ERICH2: variants seen among roughly 807,000 people sequenced by gnomAD.
The protein encoded by ERICH2 is glutamate rich 2.
A neutral mutation model predicts 17.4 loss-of-function variants in ERICH2; 17 were observed. That is an observed-to-expected ratio of 0.98 (90% CI 0.67 to 1.47). The LOEUF (loss-of-function observed/expected upper bound fraction) is 1.47. Among genes scored for constraint, ERICH2 ranks in the 40% most tolerant of loss-of-function variants. ERICH2 has a pLI of 0.00. For synonymous variants in ERICH2, 51 were observed against 61.1 expected (o/e 0.83, Z 0.77); for missense variants, 186 against 183.2 (o/e 1.01, Z -0.09).
At chr2:170,787,599 T>G (rs977404098) in intron 2 of ERICH2, among the ~76,000 whole-genome samples, 4 of 152,220 alleles carry the variant, frequency 2.6e-5, no homozygotes, top group Admixed American at 6.5e-5. Context: ...TTCTTCACAC[T>G]CACATGCAGA....
chr2:170,788,317 T>C (rs1430182170), intron 2 of ERICH2, among the ~76,000 whole-genome samples: 28 of 152,182 alleles, frequency 1.8e-4, no homozygotes, highest in Admixed American at 1.8e-3. Flanking sequence ...TTTTGTTTTT[T>C]TCTTTTTCAA....
intron 3 of ERICH2, among the ~76,000 whole-genome samples, chr2:170,794,558 G>A (rs1173026588): frequency 1.3e-5 from 2 of 152,100 alleles, no homozygotes; most frequent in Non-Finnish European, 2.9e-5. Context: ...TCCATTTAAT[G>A]ATCTGGAAAG....
upstream of ERICH2, among the ~76,000 whole-genome samples, chr2:170,781,506 C>T (rs1026211880): frequency 2.6e-5 from 4 of 151,876 alleles, no homozygotes; most frequent in Middle Eastern, 3.4e-3. Context: ...TGGTGGCAGG[C>T]GCCTGTAATC....
At chr2:170,779,695 A>T (rs185812700), upstream of ERICH2, 1 of 302,526 alleles carries the variant, frequency 3.3e-6, no homozygotes, top group Non-Finnish European at 4.9e-6. Flanking sequence ...TTGAAAAAAA[A>T]TTGTATCTCT....
intron 3 of ERICH2, among the ~76,000 whole-genome samples, chr2:170,797,136 C>T (rs142568139): frequency 3.2e-4 from 49 of 152,270 alleles, no homozygotes; most frequent in Admixed American, 7.2e-4. Context: ...CAATGACCAA[C>T]GTGTAGACTA....
chr2:170,796,279 C>G (rs1202917696), intron 3 of ERICH2, among the ~76,000 whole-genome samples: 1 of 152,044 alleles, frequency 6.6e-6, no homozygotes, highest in Non-Finnish European at 1.5e-5. Flanking sequence ...TCATGCTAAC[C>G]CAGATTGATG....
At chr2:170,798,377 C>T (rs563319637) in intron 4 of ERICH2, among the ~76,000 whole-genome samples, 44 of 152,130 alleles carry the variant, frequency 2.9e-4, no homozygotes, top group African/African-American at 9.4e-4. Flanking sequence ...TATGCTAACA[C>T]GGCTGCGTGT....
chr2:170,789,158 T>A (rs1559254164), intron 2 of ERICH2, among the ~76,000 whole-genome samples: 1 of 151,242 alleles, frequency 6.6e-6, no homozygotes, highest in Non-Finnish European at 1.5e-5. Context: ...AGAGATCGGG[T>A]TTCACCATGT....
intron 2 of ERICH2, among the ~76,000 whole-genome samples, chr2:170,788,786 A>C (rs1701214486): frequency 6.6e-6 from 1 of 151,904 alleles, no homozygotes; most frequent in Non-Finnish European, 1.5e-5. Flanking sequence ...CAATTTTGTA[A>C]ATTTTAAAAC....
chr2:170,794,105 C>CTTTTTTTTTTTTTTTTTTTTT (rs59152667), intron 3 of ERICH2, among the ~76,000 whole-genome samples: 2 of 88,170 alleles, frequency 2.3e-5, no homozygotes, highest in Non-Finnish European at 4.2e-5. Flanking sequence ...TCCTTTCTTT[C>CTTTTTTTTTTTTTTTTTTTTT]TTTTTTTTTT....
At chr2:170,792,648 A>G (rs1213578506) in intron 2 of ERICH2, among the ~76,000 whole-genome samples, 1 of 152,248 alleles carries the variant, frequency 6.6e-6, no homozygotes, top group Non-Finnish European at 1.5e-5. Context: ...GGCTGCAGGA[A>G]AGCAGAGGTA....
chr2:170,782,235 A>G (rs1194480478), upstream of ERICH2: 65 of 901,032 alleles, frequency 7.2e-5, no homozygotes, highest in Non-Finnish European at 8.4e-5. Context: ...ACTGTCTAAC[A>G]TATAGGAAGG....
chr2:170,796,201 TG>T (rs1361590428), intron 3 of ERICH2, among the ~76,000 whole-genome samples: 2 of 152,186 alleles, frequency 1.3e-5, no homozygotes, highest in Non-Finnish European at 2.9e-5. Context: ...AGAAACCTTA[TG>T]GGTATGTATA....
At chr2:170,784,212 A>G (rs1400589745) in intron 1 of ERICH2, among the ~76,000 whole-genome samples, 1 of 152,228 alleles carries the variant, frequency 6.6e-6, no homozygotes, top group Non-Finnish European at 1.5e-5. Context: ...AGACTTCCAC[A>G]AAGCTGAAGG....
At chr2:170,776,765 C>CTT in the ERICH2 span, among the ~76,000 whole-genome samples, 1 of 145,462 alleles carries the variant, frequency 6.9e-6, no homozygotes. Flanking sequence ...CAGAGAATTT[C>CTT]TTTTTTTTTT....
chr2:170,796,233 A>G (rs1461858792), intron 3 of ERICH2, among the ~76,000 whole-genome samples: 2 of 152,210 alleles, frequency 1.3e-5, no homozygotes, highest in Non-Finnish European at 2.9e-5. Context: ...AAATACTTAC[A>G]GGATCCTTAA....
exon 5 of ERICH2, chr2:170,798,796 G>T (rs971186629): frequency 2.6e-6 from 4 of 1,550,606 alleles, no homozygotes; most frequent in Non-Finnish European, 3.5e-6. Context: ...TGAGCAAGAC[G>T]GTGAAAACAG....
chr2:170,792,884 C>A, exon 3 of ERICH2: 1 of 1,510,252 alleles, frequency 6.6e-7, no homozygotes, highest in Non-Finnish European at 8.9e-7. Flanking sequence ...AGAAATGGCC[C>A]GAGAGTACCA....
At chr2:170,780,832 C>G (rs1005121590), upstream of ERICH2, among the ~76,000 whole-genome samples, 4 of 152,158 alleles carry the variant, frequency 2.6e-5, no homozygotes, top group African/African-American at 9.7e-5. Context: ...TTATGTAGAT[C>G]AGCTATGAGA....
Sources: allele counts gnomAD v4.1 joint callset (sites outside exome capture counted in the v4.1 genomes callset), GRCh38; gene constraint gnomAD v4.1.1; transcripts MANE v1.5; gene names NCBI Gene and HGNC (gene_info 2026-07-23, HGNC 2026-07-21).